Variants in GUCY1A2 observed in about 807,000 individuals in gnomAD.
The protein encoded by GUCY1A2 is guanylate cyclase 1 soluble subunit alpha 2.
A neutral mutation model predicts 63.5 loss-of-function variants in GUCY1A2; 27 were observed. That is an observed-to-expected ratio of 0.43 (90% CI 0.31 to 0.59). The LOEUF (loss-of-function observed/expected upper bound fraction) is 0.59. Ranked by LOEUF, GUCY1A2 falls within the 20% of genes least tolerant of loss-of-function variation. The probability of loss-of-function intolerance (pLI) is 0.11; values close to 1 mark genes in which losing one functional copy is unlikely to be tolerated. For synonymous variants in GUCY1A2, 364 were observed against 343.5 expected, an observed-to-expected ratio of 1.06 and a Z score of -0.66; for missense variants, 768 against 913.3, an observed-to-expected ratio of 0.84 and a Z score of 2.05.
At chr11:106,750,409 G>A (rs1863862687) in intron 6 of GUCY1A2, among the ~76,000 whole-genome samples, 2 of 151,990 alleles carry the variant, frequency 1.3e-5, no homozygotes. Flanking sequence ...AACACACCCA[G>A]AAACAATGCT....
At chr11:106,923,328 G>A (rs1349450702) in intron 4 of GUCY1A2, among the ~76,000 whole-genome samples, 2 of 152,114 alleles carry the variant, frequency 1.3e-5, no homozygotes, top group Non-Finnish European at 2.9e-5. Flanking sequence ...TCCTTAGATC[G>A]CTCGCTTAGC....
At chr11:106,791,647 G>T (rs149381873) in intron 5 of GUCY1A2, among the ~76,000 whole-genome samples, 3 of 151,970 alleles carry the variant, frequency 2.0e-5, no homozygotes, top group African/African-American at 7.3e-5. Flanking sequence ...ATATATCTAC[G>T]GAATTACTAT....
chr11:106,763,389 A>G (rs752527315), intron 6 of GUCY1A2, among the ~76,000 whole-genome samples: 1 of 152,062 alleles, frequency 6.6e-6, no homozygotes, highest in African/African-American at 2.4e-5. Context: ...GGCAAACAGT[A>G]TAGAAGGCAG....
chr11:106,958,079 C>T (rs1196952298), intron 3 of GUCY1A2, among the ~76,000 whole-genome samples: 2 of 152,096 alleles, frequency 1.3e-5, no homozygotes, highest in East Asian at 3.9e-4. Context: ...GTAGCTATTA[C>T]AGTAGCATCA....
rs561798860 is a variant in GUCY1A2 at position 106,903,766 on chromosome 11, C to A, written c.1206+35694G>T. On this transcript the variant is annotated intron_variant, in intron 4 of 7. Coordinates refer to ENST00000526355, the MANE Select transcript of GUCY1A2 (RefSeq NM_000855.3). ...GTGTTATTACCTCTCTTGTAATTTA[C>A]CATCAAGCCACAGAATGGTCACAAA... is the stretch of plus-strand genomic sequence containing the variant. Among the ~76,000 whole-genome samples the A allele has an allele frequency of 2.6e-5, 4 of 152,270 alleles. No homozygotes were observed. The South Asian group carries it at 8.3e-4, about 32-fold the overall frequency.
intron 6 of GUCY1A2, among the ~76,000 whole-genome samples, chr11:106,774,175 C>T (rs1864312045): frequency 6.6e-6 from 1 of 151,956 alleles, no homozygotes; most frequent in African/African-American, 2.4e-5. Context: ...GCTCTGTCAC[C>T]CAGGCTGGAG....
intron 1 of GUCY1A2, among the ~76,000 whole-genome samples, chr11:107,011,337 C>T (rs1157131940): frequency 3.3e-5 from 5 of 151,648 alleles, no homozygotes; most frequent in African/African-American, 1.2e-4. Flanking sequence ...TTTTATTTTA[C>T]TTAGAGCTCT....
intron 4 of GUCY1A2, among the ~76,000 whole-genome samples, chr11:106,841,926 C>T (rs12226006): frequency 6.6e-6 from 1 of 151,820 alleles, no homozygotes; most frequent in Non-Finnish European, 1.5e-5. Flanking sequence ...TGAATTTCCT[C>T]TTCAGAACCA....
intron 4 of GUCY1A2, among the ~76,000 whole-genome samples, chr11:106,881,030 G>A (rs1390151550): frequency 6.6e-6 from 1 of 151,978 alleles, no homozygotes; most frequent in African/African-American, 2.4e-5. Context: ...AATTGAAAGG[G>A]GTAAATTAAA....
chr11:106,718,698 T>G (rs1218866754), intron 6 of GUCY1A2, among the ~76,000 whole-genome samples: 2 of 152,200 alleles, frequency 1.3e-5, no homozygotes, highest in East Asian at 1.9e-4. Flanking sequence ...TGAATATGCA[T>G]GTACTTAGAA....
chr11:106,709,293 T>TTTA, intron 6 of GUCY1A2, among the ~76,000 whole-genome samples: 1 of 101,284 alleles, frequency 9.9e-6, no homozygotes, highest in South Asian at 2.6e-4. Context: ...TTATATATAT[T>TTTA]TATATTTTTA....
intron 6 of GUCY1A2, among the ~76,000 whole-genome samples, chr11:106,712,792 C>T (rs2135355287): frequency 6.6e-6 from 1 of 152,252 alleles, no homozygotes; most frequent in African/African-American, 2.4e-5. Context: ...ATGAGGTTTT[C>T]CATTCTGCCT....
intron 2 of GUCY1A2, among the ~76,000 whole-genome samples, chr11:106,979,449 C>T (rs1285927936): frequency 1.2e-4 from 15 of 126,844 alleles, no homozygotes; most frequent in Admixed American, 3.5e-4. Context: ...AGTGAGACTC[C>T]GTCTCAAAAA....
chr11:106,716,380 A>AAGTT (rs1211920499), intron 6 of GUCY1A2, among the ~76,000 whole-genome samples: 2 of 152,120 alleles, frequency 1.3e-5, no homozygotes, highest in African/African-American at 4.8e-5. Context: ...CAGAAGGAGG[A>AAGTT]AGTTATGTCC....
At chr11:107,016,283 G>A (rs867557428) in intron 1 of GUCY1A2, among the ~76,000 whole-genome samples, 13 of 152,242 alleles carry the variant, frequency 8.5e-5, no homozygotes, top group African/African-American at 2.9e-4. Context: ...GCTGTCAGGA[G>A]GAGCTAAAGC....
At chr11:106,707,331 A>G (rs1862934321) in intron 7 of GUCY1A2, among the ~76,000 whole-genome samples, 2 of 152,074 alleles carry the variant, frequency 1.3e-5, no homozygotes, top group Admixed American at 1.3e-4. Context: ...GTTTGAAAAT[A>G]TCACTATTTT....
chr11:106,682,347 C>A lies in GUCY1A2; in HGVS notation c.*5202G>T. 1 of 217,276 alleles carries A rather than the reference C, an allele frequency of 4.6e-6. No individual in the cohort carries two copies. The highest frequency in any genetic ancestry group is 9.3e-6 in the Non-Finnish European group (1 of 108,006). The allele number at this position is 217,276 out of a possible 1,614,324, so 13.5% of individuals were successfully genotyped here. A position where few individuals can be genotyped will look rare whatever the true frequency, so the allele number is the denominator to read the frequency against. ...GAATACTTTTCAATGATTCCCAAGT[C>A]TGGCTGTATATTAGCATTACTTAGA... On this transcript the variant is annotated 3_prime_UTR_variant, in exon 8 of 8. Coordinates refer to ENST00000526355, the MANE Select transcript of GUCY1A2 (RefSeq NM_000855.3).
In GUCY1A2 at chr11:106,956,433, G is replaced by A. The variant is rs981982997; in HGVS notation, c.488-16255C>T. On this transcript the variant is annotated intron_variant, in intron 3 of 7. Transcript: ENST00000526355. ...TTGTCTACTTTCAGTCTTTGAGCCTGCTGATCCTTGGATAGGGTTTTTTGT... is the reference window on the plus strand; with the variant it reads ...TTGTCTACTTTCAGTCTTTGAGCCTACTGATCCTTGGATAGGGTTTTTTGT... 6.6e-5 allele frequency among the ~76,000 whole-genome samples: 10 copies of A among 152,016 alleles called. No individual in the cohort carries two copies. In the East Asian group the frequency reaches 1.9e-3, roughly 30 times the overall value.
chr11:106,706,248 T>C (rs1862908017), intron 7 of GUCY1A2, among the ~76,000 whole-genome samples: 1 of 152,162 alleles, frequency 6.6e-6, no homozygotes, highest in Admixed American at 6.5e-5. Flanking sequence ...AGGGATAAAA[T>C]AGAGATTTCA....
Sources: gnomAD v4.1 joint callset for allele counts (sites outside exome capture counted in the v4.1 genomes callset) on GRCh38, gnomAD v4.1.1 for gene constraint, MANE v1.5 for transcripts, NCBI Gene and HGNC (gene_info 2026-07-23, HGNC 2026-07-21) for gene names.